PARP16: variants seen among roughly 807,000 people sequenced by gnomAD.
The protein encoded by PARP16 is poly(ADP-ribose) polymerase family member 16.
In PARP16, 31 loss-of-function variants were observed where a neutral mutation model predicts 35.0. That is an observed-to-expected ratio of 0.88 (90% CI 0.66 to 1.19). The LOEUF is 1.19. PARP16 is among the 50% of genes most tolerant of loss of function. PARP16 has a pLI of 0.00. For missense variants in PARP16, 424 were observed against 411.2 expected (o/e 1.03, Z -0.27); for synonymous variants, 162 against 169.5 (o/e 0.96, Z 0.34).
chr15:65,232,148 G>A (rs1274332644), downstream of PARP16, among the ~76,000 whole-genome samples: 1 of 152,136 alleles, frequency 6.6e-6, no homozygotes, highest in Non-Finnish European at 1.5e-5. Flanking sequence ...CCAGCACTTT[G>A]GGAGTGGTAT....
intron 1 of PARP16, among the ~76,000 whole-genome samples, chr15:65,274,137 T>C (rs2140933893): frequency 6.6e-6 from 1 of 151,052 alleles, no homozygotes; most frequent in South Asian, 2.1e-4. Context: ...AGAGATGAGG[T>C]CTTGCTATGC....
intron 4 of PARP16, 42 bp downstream of exon 4, chr15:65,263,107 A>G (rs2089788476): frequency 6.3e-7 from 1 of 1,585,710 alleles, no homozygotes; most frequent in Non-Finnish European, 8.6e-7. Flanking sequence ...TGTACACCCA[A>G]CAGAGGCCTG....
intron 2 of PARP16, among the ~76,000 whole-genome samples, chr15:65,252,922 A>G (rs994530092): frequency 4.6e-5 from 7 of 152,140 alleles, no homozygotes; most frequent in African/African-American, 1.7e-4. Flanking sequence ...TGAGGTCAGG[A>G]GTTTGAGACC....
At chr15:65,285,515 C>T in intron 1 of PARP16, 1 of 396,940 alleles carries the variant, frequency 2.5e-6, no homozygotes, top group Admixed American at 2.6e-5. Flanking sequence ...GACAGCTTTG[C>T]TGGTAAACAA....
At chr15:65,244,268 C>G (rs1378260054) in intron 3 of PARP16, among the ~76,000 whole-genome samples, 1 of 152,188 alleles carries the variant, frequency 6.6e-6, no homozygotes, top group Non-Finnish European at 1.5e-5. Flanking sequence ...ACAGATCACA[C>G]TCCATCATTG....
Position 65,270,950 on chromosome 15 carries a change from A to G in PARP16, c.297T>C (p.Ser99=). 6.2e-7 allele frequency: 1 copy of G among 1,614,160 alleles called. No homozygotes were observed. Residue 99 remains serine, a synonymous_variant, in exon 2 of 6, where the codon AGT becomes AGC. Coordinates refer to ENST00000649807, the MANE Select transcript of PARP16 (RefSeq NM_001316943.2). ...ILSSKVLTIH[S]AGKAEFEKIQ... ...AAAGTCTCACCTCTGCCTTCCCTGC[A>G]CTGTGGATTGTCAGGACCTTTGAGG...
At chr15:65,248,121 C>A in exon 3 of PARP16, 1 of 456,236 alleles carries the variant, frequency 2.2e-6, no homozygotes, top group South Asian at 1.5e-5. Flanking sequence ...TCTTACCTCT[C>A]TACTTTCCAC....
At chr15:65,244,650 G>A (rs1361938304) in intron 3 of PARP16, among the ~76,000 whole-genome samples, 4 of 152,202 alleles carry the variant, frequency 2.6e-5, no homozygotes, top group Admixed American at 6.5e-5. Context: ...AAGCCATATG[G>A]CTTACTTTCA....
chr15:65,276,174 C>A (rs757490999), intron 1 of PARP16, among the ~76,000 whole-genome samples: 2 of 152,156 alleles, frequency 1.3e-5, no homozygotes, highest in Admixed American at 1.3e-4. Context: ...CTTTATGTCC[C>A]ATTTCACTTT....
intron 3 of PARP16, among the ~76,000 whole-genome samples, chr15:65,244,929 C>T (rs2089169092): frequency 6.6e-6 from 1 of 152,176 alleles, no homozygotes; most frequent in Non-Finnish European, 1.5e-5. Flanking sequence ...GTATGACTGA[C>T]AAGCCAACTG....
rs779584618 is a variant in PARP16, at chr15:65,270,946, C to T, written c.301G>A (p.Gly101Arg). The change falls in exon 2 of 6, where the codon GGG becomes AGG. Residue 101 changes from glycine to arginine, a missense_variant. Physicochemically the swap from Gly to Arg is moderately radical, Grantham distance 125. Coordinates refer to ENST00000649807, the MANE Select transcript of PARP16 (RefSeq NM_001316943.2). ...SSKVLTIHSA[G>R]KAEFEKIQKL... The stretch of plus-strand genomic sequence containing the variant: ...GACCAAAGTCTCACCTCTGCCTTCC[C>T]TGCACTGTGGATTGTCAGGACCTTT... 1 of 1,614,184 alleles carries T rather than the reference C, an allele frequency of 6.2e-7. No individual in the cohort carries two copies. The highest frequency in any genetic ancestry group is 1.7e-5 in the Admixed American group (1 of 60,018).
At chr15:65,280,771 C>T (rs1306847348) in intron 1 of PARP16, among the ~76,000 whole-genome samples, 1 of 151,826 alleles carries the variant, frequency 6.6e-6, no homozygotes, top group Non-Finnish European at 1.5e-5. Flanking sequence ...GTCATGGTGT[C>T]TAGACAGTGC....
intron 2 of PARP16, among the ~76,000 whole-genome samples, chr15:65,270,249 G>C (rs1191583140): frequency 6.6e-6 from 1 of 152,210 alleles, no homozygotes; most frequent in Non-Finnish European, 1.5e-5. Flanking sequence ...CCCCAGCCAG[G>C]CAAGGTAAAC....
intron 2 of PARP16, among the ~76,000 whole-genome samples, chr15:65,269,877 G>A (rs1567030249): frequency 1.3e-5 from 2 of 152,146 alleles, no homozygotes; most frequent in East Asian, 3.8e-4. Flanking sequence ...ATGCCCATAT[G>A]AGGTAAGAAT....
chr15:65,254,313 T>C (rs763628052), downstream of PARP16, among the ~76,000 whole-genome samples: 1 of 152,164 alleles, frequency 6.6e-6, no homozygotes, highest in Admixed American at 6.5e-5. Flanking sequence ...CTATCTTTAC[T>C]TGGGAATGTC....
intron 3 of PARP16, among the ~76,000 whole-genome samples, chr15:65,245,471 C>G (rs2140750921): frequency 6.6e-6 from 1 of 152,324 alleles, no homozygotes; most frequent in South Asian, 2.1e-4. Context: ...TGGATAGAAG[C>G]TGGATATGGG....
At chr15:65,239,223 C>G (rs996025535) in intron 3 of PARP16, among the ~76,000 whole-genome samples, 1 of 151,250 alleles carries the variant, frequency 6.6e-6, no homozygotes, top group Admixed American at 6.6e-5. Flanking sequence ...GTCAAGAGAT[C>G]GAGACCATCC....
intron 2 of PARP16, among the ~76,000 whole-genome samples, chr15:65,266,969 T>C (rs12595492): frequency 0.72 from 108,721 of 152,022 alleles, 39,827 homozygotes; most frequent in East Asian, 0.99. Context: ...CGGTCGGGTG[T>C]GGTGGCTCAC....
intron 3 of PARP16, among the ~76,000 whole-genome samples, chr15:65,247,727 CACAG>C (rs1021983739): frequency 6.6e-5 from 10 of 151,336 alleles, no homozygotes; most frequent in African/African-American, 2.2e-4. Context: ...TGAACATTCA[CACAG>C]ACAGACACAC....
Sources: gnomAD v4.1 joint callset for allele counts (sites outside exome capture counted in the v4.1 genomes callset) on GRCh38, gnomAD v4.1.1 for gene constraint, MANE v1.5 for transcripts, NCBI Gene and HGNC (gene_info 2026-07-23, HGNC 2026-07-21) for gene names.